The following PDE4D variants were observed in gnomAD, a reference collection of about 807,000 sequenced individuals.
The protein encoded by PDE4D is phosphodiesterase 4D, also known as 3',5'-cyclic-AMP phosphodiesterase 4D.
A neutral mutation model predicts 87.4 loss-of-function variants in PDE4D; 24 were observed. The ratio of observed to expected loss-of-function variants is 0.27; its 90% confidence interval spans 0.20 to 0.39. The LOEUF (loss-of-function observed/expected upper bound fraction) is 0.39. Ranked by LOEUF, PDE4D falls within the 10% of genes least tolerant of loss-of-function variation. The probability of loss-of-function intolerance (pLI) is 1.00; values close to 1 mark genes in which losing one functional copy is unlikely to be tolerated. For missense variants in PDE4D, 714 were observed against 1,041.0 expected, an observed-to-expected ratio of 0.69 and a Z score of 4.32; for synonymous variants, 384 against 383.2, an observed-to-expected ratio of 1.00 and a Z score of -0.02.
intron 1 of PDE4D, among the ~76,000 whole-genome samples, chr5:59,405,426 T>C (rs9918228): frequency 0.17 from 26,326 of 152,244 alleles, 3,062 homozygotes; most frequent in African/African-American, 0.32. Flanking sequence ...GTTGAATTTG[T>C]GTCTTGCAAC....
chr5:59,383,835 G>T (rs2153604296), intron 1 of PDE4D, among the ~76,000 whole-genome samples: 1 of 151,980 alleles, frequency 6.6e-6, no homozygotes, highest in African/African-American at 2.4e-5. Context: ...TTATCCATAG[G>T]AATTTTTAAT....
At chr5:59,021,208 T>A (rs1755096260) in intron 6 of PDE4D, among the ~76,000 whole-genome samples, 1 of 152,136 alleles carries the variant, frequency 6.6e-6, no homozygotes, top group Non-Finnish European at 1.5e-5. Flanking sequence ...AATAAGAGTC[T>A]TTTTTATGGC....
intron 1 of PDE4D, among the ~76,000 whole-genome samples, chr5:60,283,419 T>G (rs1752126705): frequency 6.6e-6 from 1 of 152,222 alleles, no homozygotes. Context: ...TTTCATGAAC[T>G]GTCTGCTCCT....
rs142653703 is a variant in PDE4D at position 59,383,463 on chromosome 5, C to T, written c.456-167495G>A. 7.2e-5 allele frequency among the ~76,000 whole-genome samples: 11 copies of T among 152,266 alleles called. No homozygotes were observed. In the East Asian group the frequency reaches 2.1e-3, roughly 29 times the overall value. The stretch of plus-strand genomic sequence containing the variant: ...TTGCAAATTCTAACCATATTCTCAG[C>T]CTCTGTATTGAACTCCCCTGCTATT... On this transcript the variant is annotated intron_variant, in intron 1 of 14. Coordinates refer to ENST00000340635, the MANE Select transcript of PDE4D (RefSeq NM_001104631.2).
At chr5:59,915,851 G>A (rs981783827) in intron 3 of PDE4D, among the ~76,000 whole-genome samples, 7 of 151,902 alleles carry the variant, frequency 4.6e-5, no homozygotes, top group South Asian at 2.1e-4. Flanking sequence ...TCATCACTCC[G>A]GAAAAAATAC....
chr5:59,284,508 T>C (rs1581759143), intron 1 of PDE4D, among the ~76,000 whole-genome samples: 1 of 152,072 alleles, frequency 6.6e-6, no homozygotes, highest in East Asian at 1.9e-4. Flanking sequence ...AAAACCACTA[T>C]GAGATATCAT....
chr5:60,428,211 G>A (rs989412349), intron 1 of PDE4D, among the ~76,000 whole-genome samples: 12 of 152,076 alleles, frequency 7.9e-5, no homozygotes, highest in Admixed American at 6.5e-5. Context: ...TAATGCATAG[G>A]GGCTGCATAT....
At position 59,718,416 on chromosome 5, in the gene PDE4D, C is replaced by T. The variant is rs148655168; in HGVS notation, c.455+174752G>A. 2.7e-4 allele frequency among the ~76,000 whole-genome samples: 41 copies of T among 152,272 alleles called. No homozygotes were observed. The East Asian group carries it at 4.8e-3, about 18-fold the overall frequency. On this transcript the variant is annotated intron_variant, in intron 1 of 14. Coordinates refer to ENST00000340635, the MANE Select transcript of PDE4D (RefSeq NM_001104631.2). ...AACACCTTCCTTAATTTTTAAAACACTCTAAATAGGAAAATCTCTGGAATC... is the reference window on the plus strand; with the variant it reads ...AACACCTTCCTTAATTTTTAAAACATTCTAAATAGGAAAATCTCTGGAATC...
intron 1 of PDE4D, among the ~76,000 whole-genome samples, chr5:59,571,292 C>T (rs1426693377): frequency 6.6e-6 from 1 of 152,182 alleles, no homozygotes; most frequent in Non-Finnish European, 1.5e-5. Flanking sequence ...TTTTGGAGCA[C>T]TTAGCAATGA....
chr5:59,353,717 T>C (rs1213862805), intron 1 of PDE4D, among the ~76,000 whole-genome samples: 2 of 151,954 alleles, frequency 1.3e-5, no homozygotes, highest in Admixed American at 1.3e-4. Flanking sequence ...ACGGCCCTGC[T>C]CCCCTCCTCT....
chr5:59,238,522 G>A (rs10055446), intron 1 of PDE4D, among the ~76,000 whole-genome samples: 11,731 of 152,152 alleles, frequency 0.077, 552 homozygotes, highest in Non-Finnish European at 0.1. Flanking sequence ...AAGGTCATTC[G>A]ACTTTTGTTG....
In PDE4D at chr5:60,016,674, G is replaced by A. The variant is rs575081739; in HGVS notation, c.43-27957C>T. Among the ~76,000 whole-genome samples the A allele has an allele frequency of 1.3e-3, 203 of 152,272 alleles. 2 individuals carry two copies. Among genetic ancestry groups the A allele is most frequent in the Non-Finnish European group, 2.5e-3 (169 of 68,032 alleles). ...TCATCAGATGTAGATTCCATTTCAAGAAATCACTTTCTTGGCTCCCATAAG... is the reference window on the plus strand; with the variant it reads ...TCATCAGATGTAGATTCCATTTCAAAAAATCACTTTCTTGGCTCCCATAAG... On this transcript the variant is annotated intron_variant, in intron 2 of 16. Transcript: ENST00000502484.
Position 60,473,999 on chromosome 5 carries a change from T to C in PDE4D, c.-90+13943A>G, listed in dbSNP as rs572439367. Among the ~76,000 whole-genome samples the C allele has an allele frequency of 5.7e-3, 861 of 149,884 alleles. 9 individuals carry two copies. The highest frequency in any genetic ancestry group is 0.019 in the African/African-American group (779 of 40,920). On this transcript the variant is annotated intron_variant, in intron 1 of 16. Coordinates refer to the PDE4D transcript ENST00000502484. Reference sequence around the variant, plus strand: ...CCTCAAGGCCTAATTTGAATCCTATTCTTTCCAAGTCATCACTCAGATCCA... The same window carrying C: ...CCTCAAGGCCTAATTTGAATCCTATCCTTTCCAAGTCATCACTCAGATCCA...
At chr5:59,819,945 C>T (rs774531604) in intron 1 of PDE4D, among the ~76,000 whole-genome samples, 14 of 152,262 alleles carry the variant, frequency 9.2e-5, no homozygotes, top group Non-Finnish European at 1.5e-4. Flanking sequence ...CATCAGAAGC[C>T]ATGCATTCAT....
chr5:59,009,064 C>A (rs1185823193), intron 6 of PDE4D, among the ~76,000 whole-genome samples: 2 of 152,060 alleles, frequency 1.3e-5, no homozygotes, highest in Non-Finnish European at 2.9e-5. Flanking sequence ...ATACAAAATA[C>A]AAACAATACA....
chr5:59,819,047 T>C (rs564519647), intron 1 of PDE4D, among the ~76,000 whole-genome samples: 49 of 152,234 alleles, frequency 3.2e-4, no homozygotes, highest in Non-Finnish European at 3.5e-4. Flanking sequence ...ATTGTCTACT[T>C]TGATCTATAC....
intron 2 of PDE4D, among the ~76,000 whole-genome samples, chr5:60,092,802 G>A (rs985444906): frequency 3.3e-5 from 5 of 152,182 alleles, no homozygotes; most frequent in South Asian, 2.1e-4. Context: ...GAACAAGGCC[G>A]TAGGCTAAAT....
At position 60,233,198 on chromosome 5, in the gene PDE4D, C is replaced by T. The variant is rs548352905; in HGVS notation, c.-89-47511G>A. Among the ~76,000 whole-genome samples the T allele has an allele frequency of 2.0e-3, 232 of 116,198 alleles. 2 individuals carry two copies. The highest frequency in any genetic ancestry group is 7.3e-3 in the African/African-American group (216 of 29,542). The allele number at this position is 116,198 out of a possible 152,430, so 76.2% of individuals were successfully genotyped here. On this transcript the variant is annotated intron_variant, in intron 1 of 16. Transcript: ENST00000502484. ...TCGTTGTCACACACACACACACATACACACACACACACACACACTGAGCAA... is the reference window on the plus strand; with the variant it reads ...TCGTTGTCACACACACACACACATATACACACACACACACACACTGAGCAA...
chr5:59,586,575 GAA>G, intron 1 of PDE4D: 1 of 1,373,704 alleles, frequency 7.3e-7, no homozygotes, highest in Non-Finnish European at 9.4e-7. Context: ...TCCAGGATTT[GAA>G]AAAAGAAACA....
Sources: allele counts gnomAD v4.1 joint callset (sites outside exome capture counted in the v4.1 genomes callset), GRCh38; gene constraint gnomAD v4.1.1; transcripts MANE v1.5; gene names NCBI Gene and HGNC (gene_info 2026-07-23, HGNC 2026-07-21).